PBX1: variants seen among roughly 807,000 people sequenced by gnomAD.
The protein encoded by PBX1 is pre-B-cell leukemia transcription factor 1.
A neutral mutation model predicts 53.4 loss-of-function variants in PBX1; 6 were observed. The ratio of observed to expected loss-of-function variants is 0.11; its 90% CI spans 0.06 to 0.22. PBX1 has a LOEUF of 0.22. PBX1 is among the 10% of genes least tolerant of loss of function. The pLI is 1.00. For missense variants in PBX1, 251 were observed against 551.4 expected, an observed-to-expected ratio of 0.46 and a Z score of 5.46; for synonymous variants, 204 against 212.3, an observed-to-expected ratio of 0.96 and a Z score of 0.34.
chr1:164,866,434 C>A (rs894159167), intron 2 of PBX1, among the ~76,000 whole-genome samples: 1 of 152,240 alleles, frequency 6.6e-6, no homozygotes, highest in Non-Finnish European at 1.5e-5. Context: ...TACCAGAATA[C>A]TTGGTGACAA....
At position 164,851,203 on chromosome 1, in the gene PBX1, T is replaced by C. The variant is rs1230624944; in HGVS notation, c.*4527T>C. The stretch of plus-strand genomic sequence containing the variant: ...ACTGGCTTGATTTGGAATGTTTTTA[T>C]TAGAGGAAAAAAGAAAGCCATATTA... On this transcript the variant is annotated 3_prime_UTR_variant, in exon 9 of 9. Transcript: ENST00000420696. 1.9e-5 allele frequency: 4 copies of C among 213,260 alleles called. No homozygotes were observed. The highest frequency in any genetic ancestry group is 6.8e-5 in the African/African-American group (3 of 44,244). The allele number at this position is 213,260 out of a possible 1,614,324, so 13.2% of individuals were successfully genotyped here. A position where few individuals can be genotyped will look rare whatever the true frequency, so the allele number is the denominator to read the frequency against.
At chr1:164,572,183 A>G (rs1386434552) in intron 2 of PBX1, among the ~76,000 whole-genome samples, 2 of 151,930 alleles carry the variant, frequency 1.3e-5, no homozygotes, top group African/African-American at 4.8e-5. Context: ...CTGGAGTTAC[A>G]GGTGTGAGGC....
At chr1:164,619,484 G>A (rs1657528498) in intron 2 of PBX1, among the ~76,000 whole-genome samples, 2 of 152,096 alleles carry the variant, frequency 1.3e-5, no homozygotes, top group Non-Finnish European at 2.9e-5. Flanking sequence ...GAGTGCTCAA[G>A]GAGAGGAAAA....
In PBX1 at chr1:164,592,905, T is replaced by C. The variant is rs553093107; in HGVS notation, c.265+29594T>C. On this transcript the variant is annotated intron_variant, in intron 2 of 8. Transcript: ENST00000420696. Reference sequence around the variant, plus strand: ...CTCTCTCCTTCCCCACAATGGGAACTTGGGAGCTAGTACTTTCCCAGCATT... The same window carrying C: ...CTCTCTCCTTCCCCACAATGGGAACCTGGGAGCTAGTACTTTCCCAGCATT... 5.3e-5 allele frequency among the ~76,000 whole-genome samples: 8 copies of C among 152,286 alleles called. No individual in the cohort carries two copies. In the East Asian group the frequency reaches 1.5e-3, roughly 29 times the overall value.
chr1:164,723,659 C>T (rs543736043), intron 2 of PBX1, among the ~76,000 whole-genome samples: 8 of 152,240 alleles, frequency 5.3e-5, no homozygotes, highest in East Asian at 1.9e-4. Flanking sequence ...GCGGCAGAGC[C>T]CTGCACTGCC....
chr1:164,650,692 G>A (rs1291069900), intron 2 of PBX1, among the ~76,000 whole-genome samples: 1 of 152,026 alleles, frequency 6.6e-6, no homozygotes, highest in South Asian at 2.1e-4. Context: ...CTGAGAACAG[G>A]GCCCTTGCTC....
intron 2 of PBX1, among the ~76,000 whole-genome samples, chr1:164,858,050 G>T (rs1189272846): frequency 1.3e-5 from 2 of 152,042 alleles, no homozygotes; most frequent in Non-Finnish European, 2.9e-5. Flanking sequence ...TGTTAGCTAT[G>T]GGTATATTTT....
intron 2 of PBX1, among the ~76,000 whole-genome samples, chr1:164,870,266 C>CT (rs1359716815): frequency 2.2e-5 from 1 of 45,214 alleles, no homozygotes. Flanking sequence ...TCCTTCCTTC[C>CT]TTCTTTCTTT....
intron 2 of PBX1, among the ~76,000 whole-genome samples, chr1:164,698,248 A>C (rs1662905416): frequency 6.6e-6 from 1 of 152,176 alleles, no homozygotes; most frequent in Non-Finnish European, 1.5e-5. Context: ...CTACCTCTGA[A>C]TGCCGTTAGA....
intron 2 of PBX1, among the ~76,000 whole-genome samples, chr1:164,865,088 G>C (rs1672185008): frequency 6.6e-6 from 1 of 152,176 alleles, no homozygotes; most frequent in Non-Finnish European, 1.5e-5. Flanking sequence ...CATTTTATAA[G>C]GTGTACTGAC....
chr1:164,817,155 A>G (rs1393684842), intron 6 of PBX1: 1 of 152,202 alleles, frequency 6.6e-6, no homozygotes, highest in African/African-American at 2.4e-5. Context: ...ATGTGCTTCT[A>G]ATGGTAGCTG....
chr1:164,635,627 C>T (rs997404933), intron 2 of PBX1, among the ~76,000 whole-genome samples: 5 of 152,238 alleles, frequency 3.3e-5, no homozygotes, highest in Non-Finnish European at 4.4e-5. Flanking sequence ...CATCCAGCCT[C>T]GCCATATATC....
chr1:164,596,100 C>T (rs1655737213), intron 2 of PBX1, among the ~76,000 whole-genome samples: 1 of 144,962 alleles, frequency 6.9e-6, no homozygotes. Flanking sequence ...CAGGTCCCCT[C>T]TTTTTTTTTT....
chr1:164,563,318 A>G lies in PBX1; in HGVS notation c.265+7A>G, dbSNP rs1194865341. On this transcript the variant is annotated splice_region_variant and intron_variant, in intron 2 of 8. Transcript: ENST00000420696. ...GAAATCAAAGAAAAAACAGGTAGGA[A>G]TGAGATTCCAACATTTTAGCATTTT... The G allele has an allele frequency of 1.3e-6, 2 of 1,588,628 alleles. No individual in the cohort carries two copies. Among genetic ancestry groups the G allele is most frequent in the African/African-American group, 1.3e-5 (1 of 74,364 alleles).
intron 2 of PBX1, among the ~76,000 whole-genome samples, chr1:164,753,520 G>T (rs1243489588): frequency 2.6e-5 from 4 of 152,200 alleles, no homozygotes; most frequent in Non-Finnish European, 1.5e-5. Flanking sequence ...TAGTCCCCAA[G>T]TTTGTGAGAT....
At position 164,767,122 on chromosome 1, in the gene PBX1, A is replaced by G. The variant is rs1467190622; in HGVS notation, c.266-25372A>G. Among the ~76,000 whole-genome samples the G allele has an allele frequency of 2.0e-5, 3 of 152,238 alleles. No homozygotes were observed. In the East Asian group the frequency reaches 5.8e-4, roughly 29 times the overall value. ...CCTATTGCAAAAGAGAATATGCCTT[A>G]ACTGTGACCTGCTTATTCTGTTTTA... On this transcript the variant is annotated intron_variant, in intron 2 of 8. Transcript: ENST00000420696.
Position 164,791,717 on chromosome 1 carries a change from A to G in PBX1, c.266-777A>G, listed in dbSNP as rs1571414857. On this transcript the variant is annotated intron_variant, in intron 2 of 8. Coordinates refer to ENST00000420696, the MANE Select transcript of PBX1 (RefSeq NM_002585.4). ...GAGGGAAATGCTTTTCCTTAAATTG[A>G]AATTAGGTAGTATGGGGATGAAAGT... Among the ~76,000 whole-genome samples the G allele has an allele frequency of 2.0e-5, 3 of 152,338 alleles. 1 individual carries two copies. In the East Asian group the frequency reaches 5.8e-4, roughly 29 times the overall value.
At chr1:164,769,707 A>G (rs1286541967) in intron 2 of PBX1, among the ~76,000 whole-genome samples, 1 of 152,188 alleles carries the variant, frequency 6.6e-6, no homozygotes, top group African/African-American at 2.4e-5. Context: ...TAACTTATAT[A>G]TAAGTGATGA....
intron 2 of PBX1, among the ~76,000 whole-genome samples, chr1:164,624,265 A>G (rs1209959502): frequency 2.6e-5 from 4 of 152,214 alleles, no homozygotes; most frequent in Non-Finnish European, 5.9e-5. Flanking sequence ...AGGTACACAT[A>G]GAAGATAGGT....
Sources: allele counts gnomAD v4.1 joint callset (sites outside exome capture counted in the v4.1 genomes callset), GRCh38; gene constraint gnomAD v4.1.1; transcripts MANE v1.5; gene names NCBI Gene and HGNC (gene_info 2026-07-23, HGNC 2026-07-21).